The following MAN2A1 variants were observed in gnomAD, a reference collection of about 807,000 sequenced individuals.
MAN2A1 encodes mannosidase alpha class 2A member 1.
In MAN2A1, 76 loss-of-function variants were observed where a neutral mutation model predicts 142.6. The observed-to-expected ratio is 0.53, with a 90% confidence interval of 0.44 to 0.65. The LOEUF (loss-of-function observed/expected upper bound fraction) is 0.65, where lower values mean the gene tolerates loss of function less well. Among genes scored for constraint, MAN2A1 ranks in the 30% least tolerant of loss-of-function variants. MAN2A1 has a pLI of 0.00. For missense variants in MAN2A1, 1,311 were observed against 1,365.1 expected, an observed-to-expected ratio of 0.96 and a Z score of 0.62; for synonymous variants, 559 against 473.2, an observed-to-expected ratio of 1.18 and a Z score of -2.35.
At chr5:109,731,696 C>G (rs6897383) in intron 4 of MAN2A1, among the ~76,000 whole-genome samples, 56,183 of 150,976 alleles carry the variant, frequency 0.37, 11,139 homozygotes, top group African/African-American at 0.53. Flanking sequence ...TGAACTCATC[C>G]TTTTTTATGG....
intron 9 of MAN2A1, among the ~76,000 whole-genome samples, chr5:109,784,293 C>T (rs910429634): frequency 2.0e-5 from 3 of 152,178 alleles, no homozygotes; most frequent in Non-Finnish European, 4.4e-5. Context: ...GTGTCCCGCT[C>T]ACCGACCATG....
intron 12 of MAN2A1, among the ~76,000 whole-genome samples, chr5:109,805,250 A>G (rs1360126313): frequency 2.0e-5 from 3 of 152,216 alleles, no homozygotes; most frequent in African/African-American, 7.2e-5. Context: ...CAAAAGTTTT[A>G]GAATACTTGG....
chr5:109,746,591 G>C (rs909213557), intron 4 of MAN2A1, among the ~76,000 whole-genome samples: 1 of 56,816 alleles, frequency 1.8e-5, no homozygotes, highest in Non-Finnish European at 3.6e-5. Flanking sequence ...TTTTTTTTTT[G>C]AGTGGGTCTA....
chr5:109,792,159 A>C (rs2112682691), intron 12 of MAN2A1, among the ~76,000 whole-genome samples: 1 of 152,204 alleles, frequency 6.6e-6, no homozygotes, highest in Admixed American at 6.5e-5. Flanking sequence ...CCAATAATTT[A>C]AGTTCCTCTG....
chr5:109,767,495 A>C, intron 5 of MAN2A1, 40 bp from the exon 6 acceptor site: 2 of 1,545,622 alleles, frequency 1.3e-6, no homozygotes, highest in South Asian at 2.3e-5. Flanking sequence ...TATTTCATAT[A>C]TCAATTAAAA....
chr5:109,725,706 A>G (rs976741027), intron 3 of MAN2A1, among the ~76,000 whole-genome samples: 3 of 152,206 alleles, frequency 2.0e-5, no homozygotes, highest in Admixed American at 6.5e-5. Flanking sequence ...TACTTAGTGT[A>G]TATGCCCTTG....
chr5:109,852,810 C>A (rs1580318370), intron 19 of MAN2A1, among the ~76,000 whole-genome samples: 1 of 152,134 alleles, frequency 6.6e-6, no homozygotes, highest in Non-Finnish European at 1.5e-5. Flanking sequence ...ATATGATTTA[C>A]AGTGGAAAGG....
intron 16 of MAN2A1, among the ~76,000 whole-genome samples, chr5:109,828,053 C>T (rs191914342): frequency 2.3e-3 from 345 of 149,530 alleles, no homozygotes; most frequent in East Asian, 4.5e-3. Flanking sequence ...TGCAATGAGC[C>T]GAAATAGCGC....
chr5:109,844,352 C>A (rs1755293456), intron 17 of MAN2A1, among the ~76,000 whole-genome samples: 1 of 152,120 alleles, frequency 6.6e-6, no homozygotes, highest in South Asian at 2.1e-4. Flanking sequence ...TCTAGCTCCA[C>A]CAGTGGGGAA....
chr5:109,785,617 A>T (rs1267064790), intron 10 of MAN2A1, among the ~76,000 whole-genome samples: 1 of 152,082 alleles, frequency 6.6e-6, no homozygotes, highest in Non-Finnish European at 1.5e-5. Context: ...CTTGGCAAAC[A>T]GAGCTTCCTA....
chr5:109,695,570 C>T (rs1048110858), intron 1 of MAN2A1, among the ~76,000 whole-genome samples: 5 of 152,130 alleles, frequency 3.3e-5, no homozygotes, highest in Admixed American at 2.0e-4. Flanking sequence ...TCTTAGTTTT[C>T]CCTTGTTCTC....
At chr5:109,834,952 G>A (rs1007538715) in intron 16 of MAN2A1, among the ~76,000 whole-genome samples, 44 of 151,908 alleles carry the variant, frequency 2.9e-4, no homozygotes, top group African/African-American at 1.0e-3. Flanking sequence ...TTTTATTTTG[G>A]TACTTTCAGA....
At chr5:109,756,429 T>C (rs1442396642) in intron 5 of MAN2A1, among the ~76,000 whole-genome samples, 1 of 152,210 alleles carries the variant, frequency 6.6e-6, no homozygotes, top group Non-Finnish European at 1.5e-5. Context: ...ATTGAAGTTA[T>C]TTTTAGATAT....
intron 12 of MAN2A1, among the ~76,000 whole-genome samples, chr5:109,792,821 A>G (rs576348388): frequency 6.6e-6 from 1 of 152,158 alleles, no homozygotes; most frequent in Non-Finnish European, 1.5e-5. Flanking sequence ...GTTAGCTGCC[A>G]GTACTTACAC....
chr5:109,744,190 G>T (rs1464645195), intron 4 of MAN2A1, among the ~76,000 whole-genome samples: 1 of 152,070 alleles, frequency 6.6e-6, no homozygotes, highest in East Asian at 1.9e-4. Context: ...AGGTAAGCAA[G>T]ACTGACCTGG....
At chr5:109,711,937 A>C (rs182888284) in intron 1 of MAN2A1, among the ~76,000 whole-genome samples, 1 of 152,278 alleles carries the variant, frequency 6.6e-6, no homozygotes, top group African/African-American at 2.4e-5. Context: ...ATGTGCTTCT[A>C]AGTAGAGAGG....
At chr5:109,726,588 A>G (rs574124956) in intron 3 of MAN2A1, among the ~76,000 whole-genome samples, 2 of 152,290 alleles carry the variant, frequency 1.3e-5, no homozygotes, top group African/African-American at 4.8e-5. Context: ...TGAAGTGTTG[A>G]AGGCAAAATG....
At chr5:109,737,373 C>G (rs958544762) in intron 4 of MAN2A1, among the ~76,000 whole-genome samples, 11 of 152,060 alleles carry the variant, frequency 7.2e-5, no homozygotes, top group African/African-American at 2.2e-4. Context: ...CTCAGCCTCC[C>G]AAAGTTCTGG....
chr5:109,792,831 C>T (rs1753768633), intron 12 of MAN2A1, among the ~76,000 whole-genome samples: 1 of 152,052 alleles, frequency 6.6e-6, no homozygotes, highest in Admixed American at 6.6e-5. Flanking sequence ...AGTACTTACA[C>T]ATGGCCTCTC....
Sources: allele counts gnomAD v4.1 joint callset (sites outside exome capture counted in the v4.1 genomes callset), GRCh38; gene constraint gnomAD v4.1.1; transcripts MANE v1.5; gene names NCBI Gene and HGNC (gene_info 2026-07-23, HGNC 2026-07-21).